Variants in TMEM131L observed in about 807,000 individuals in gnomAD.
TMEM131L encodes transmembrane protein 131-like.
Under a neutral mutation model 192.2 loss-of-function variants are expected in TMEM131L, and 54 were observed. The observed-to-expected ratio is 0.28, with a 90% confidence interval of 0.23 to 0.35. The LOEUF (loss-of-function observed/expected upper bound fraction) is 0.35, where lower values mean the gene tolerates loss of function less well. Among genes scored for constraint, TMEM131L ranks in the 10% least tolerant of loss-of-function variants. TMEM131L has a pLI of 1.00. For synonymous variants in TMEM131L, 701 were observed against 704.9 expected (o/e 0.99, Z 0.09); for missense variants, 1,888 against 1,972.9 (o/e 0.96, Z 0.82).
chr4:153,526,354 AC>A lies in TMEM131L; in HGVS notation c.240-23718del, dbSNP rs571060067. Among the ~76,000 whole-genome samples the A allele has an allele frequency of 1.9e-3, 293 of 152,198 alleles. 2 individuals are homozygous for A. Among genetic ancestry groups the A allele is most frequent in the African/African-American group, 6.5e-3 (272 of 41,534 alleles). On this transcript the variant is annotated intron_variant, in intron 3 of 34. Transcript: ENST00000409959. ...ATTTATCCCTAACTTCAAGTTTCCA[AC>A]ACATGTTTTTTGAGCACTCCCTCCT...
rs1426119921 is a variant in TMEM131L, at chr4:153,579,732, CA to C, written c.661-1091del. The stretch of plus-strand genomic sequence containing the variant: ...CCAGTGATCCACTGCCTTGGCCTCC[CA>C]AAGTGCTGGGATTACAGATGTGAAC... On this transcript the variant is annotated intron_variant, in intron 7 of 34. Transcript: ENST00000409959. 2.6e-5 allele frequency among the ~76,000 whole-genome samples: 4 copies of C among 152,330 alleles called. No homozygotes were observed. In the East Asian group the frequency reaches 7.7e-4, roughly 29 times the overall value.
chr4:153,578,078 G>A (rs767712884), intron 7 of TMEM131L, among the ~76,000 whole-genome samples: 6 of 152,210 alleles, frequency 3.9e-5, no homozygotes, highest in Admixed American at 3.3e-4. Flanking sequence ...AAAACCGAGA[G>A]GGACAAGTGG....
chr4:153,484,002 T>C (rs1414450486), intron 3 of TMEM131L, among the ~76,000 whole-genome samples: 1 of 152,178 alleles, frequency 6.6e-6, no homozygotes, highest in South Asian at 2.1e-4. Context: ...ATATTAAGCT[T>C]CTTATTGCTT....
At chr4:153,577,140 A>C (rs1451516376) in intron 7 of TMEM131L, among the ~76,000 whole-genome samples, 3 of 152,050 alleles carry the variant, frequency 2.0e-5, no homozygotes, top group African/African-American at 4.8e-5. Flanking sequence ...GGTGCAAGGC[A>C]AAGGGACAGA....
At chr4:153,504,664 T>G (rs980264555) in intron 3 of TMEM131L, among the ~76,000 whole-genome samples, 6 of 152,236 alleles carry the variant, frequency 3.9e-5, no homozygotes, top group Non-Finnish European at 1.5e-5. Flanking sequence ...AATTTTCTTA[T>G]AAATAATGAT....
At chr4:153,636,187 T>A in intron 34 of TMEM131L, 114 bp from the exon 35 acceptor site, 1 of 1,049,568 alleles carries the variant, frequency 9.5e-7, no homozygotes, top group Non-Finnish European at 1.4e-6. Flanking sequence ...TTGAGAGTAG[T>A]CTAATAACTT....
chr4:153,497,530 T>A (rs548813352), intron 3 of TMEM131L, among the ~76,000 whole-genome samples: 1 of 152,272 alleles, frequency 6.6e-6, no homozygotes, highest in Non-Finnish European at 1.5e-5. Context: ...CTCCATAGAA[T>A]TGTGTACCAG....
At chr4:153,634,168 T>G (rs1734410616) in intron 32 of TMEM131L, 24 bp from the exon 33 acceptor site, 7 of 1,600,802 alleles carry the variant, frequency 4.4e-6, no homozygotes, top group Non-Finnish European at 6.0e-6. Flanking sequence ...TGTTTCTGAT[T>G]AGACCACTTG....
intron 25 of TMEM131L, among the ~76,000 whole-genome samples, chr4:153,606,348 G>A (rs925563051): frequency 4.6e-5 from 7 of 152,192 alleles, no homozygotes; most frequent in African/African-American, 7.2e-5. Flanking sequence ...TTCTGTGATC[G>A]CTTGTGCCCA....
chr4:153,593,091 T>G (rs1402024823), intron 18 of TMEM131L, among the ~76,000 whole-genome samples: 1 of 152,186 alleles, frequency 6.6e-6, no homozygotes, highest in Non-Finnish European at 1.5e-5. Flanking sequence ...ACCTGCAGGT[T>G]TGGAACCTGC....
intron 26 of TMEM131L, among the ~76,000 whole-genome samples, chr4:153,619,072 A>G (rs772538376): frequency 6.6e-6 from 1 of 152,136 alleles, no homozygotes; most frequent in Non-Finnish European, 1.5e-5. Context: ...CCCGCCTCTC[A>G]GTAGTCCTGA....
At chr4:153,487,951 A>G (rs1732471377) in intron 3 of TMEM131L, among the ~76,000 whole-genome samples, 1 of 148,556 alleles carries the variant, frequency 6.7e-6, no homozygotes, top group Non-Finnish European at 1.5e-5. Context: ...AGGGACAAAG[A>G]GAGAGACCTT....
intron 3 of TMEM131L, among the ~76,000 whole-genome samples, chr4:153,531,620 G>A (rs1035957304): frequency 1.4e-4 from 22 of 152,100 alleles, no homozygotes; most frequent in African/African-American, 4.6e-4. Flanking sequence ...TTATATAAAC[G>A]TGGCATTTTA....
intron 3 of TMEM131L, 72 bp downstream of exon 3, chr4:153,473,960 C>T: frequency 1.0e-6 from 1 of 974,634 alleles, no homozygotes; most frequent in Non-Finnish European, 1.6e-6. Flanking sequence ...TCTGAAGTCT[C>T]AGTATATGTC....
intron 3 of TMEM131L, among the ~76,000 whole-genome samples, chr4:153,531,882 A>G (rs910552632): frequency 2.0e-5 from 3 of 152,082 alleles, no homozygotes; most frequent in East Asian, 1.9e-4. Context: ...CTCTTATTCT[A>G]TTTCCCCACC....
intron 3 of TMEM131L, among the ~76,000 whole-genome samples, chr4:153,480,587 C>T (rs1248154162): frequency 2.6e-5 from 4 of 151,518 alleles, no homozygotes; most frequent in African/African-American, 4.9e-5. Flanking sequence ...ATTTTTTAAC[C>T]TGAAGTATCT....
At chr4:153,592,657 A>G (rs1402478546) in intron 18 of TMEM131L, 73 bp downstream of exon 18, 9 of 1,019,436 alleles carry the variant, frequency 8.8e-6, no homozygotes, top group Non-Finnish European at 1.2e-5. Context: ...AATGTCCTAC[A>G]CTTTTTCAAC....
intron 26 of TMEM131L, among the ~76,000 whole-genome samples, chr4:153,613,656 T>G (rs1188336764): frequency 6.6e-6 from 1 of 152,194 alleles, no homozygotes; most frequent in African/African-American, 2.4e-5. Context: ...ACATTTTTAG[T>G]TAAAAATTAT....
At position 153,550,123 on chromosome 4, in the gene TMEM131L, T is replaced by G; in HGVS notation, c.290T>G (p.Val97Gly). Residue 97 changes from valine (V) to glycine (G), a missense_variant, in exon 4 of 35, where the codon GTT becomes GGT. Coordinates refer to ENST00000409959, the MANE Select transcript of TMEM131L (RefSeq NM_001131007.2). Reference sequence around the variant, plus strand: ...AAAGGCTTACATTTTCAGCCATCAGTTTTAGATTTTGGAATACAGTAAGTA... The same window carrying G: ...AAAGGCTTACATTTTCAGCCATCAGGTTTAGATTTTGGAATACAGTAAGTA... ...SGKGLHFQPS[V>G]LDFGIQFLGH... 1 of 1,465,404 alleles carries G rather than the reference T, an allele frequency of 6.8e-7. No homozygotes were observed. The highest frequency in any genetic ancestry group is 9.2e-7 in the Non-Finnish European group (1 of 1,087,654). 90.8% of individuals were successfully genotyped at this position (1,465,404 alleles called of 1,614,324 possible). A position where few individuals can be genotyped will look rare whatever the true frequency, so the allele number is the denominator to read the frequency against.
Sources: gnomAD v4.1 joint callset for allele counts (sites outside exome capture counted in the v4.1 genomes callset) on GRCh38, gnomAD v4.1.1 for gene constraint, MANE v1.5 for transcripts, NCBI Gene and HGNC (gene_info 2026-07-23, HGNC 2026-07-21) for gene names.